STK4: variants seen among roughly 807,000 people sequenced by gnomAD.
STK4 encodes serine/threonine-protein kinase 4.
Under a neutral mutation model 64.9 loss-of-function variants are expected in STK4, and 30 were observed. The observed-to-expected ratio is 0.46, with a 90% CI of 0.35 to 0.63. The LOEUF is 0.63. Ranked by LOEUF, STK4 falls within the 20% of genes least tolerant of loss-of-function variation. The pLI, the probability that STK4 is intolerant of heterozygous loss-of-function variation, is 0.01. For missense variants in STK4, 466 were observed against 598.5 expected (o/e 0.78, Z 2.31); for synonymous variants, 177 against 199.0 (o/e 0.89, Z 0.93).
chr20:44,984,581 C>T (rs546224571), intron 4 of STK4, among the ~76,000 whole-genome samples: 10 of 151,946 alleles, frequency 6.6e-5, no homozygotes, highest in African/African-American at 2.2e-4. Flanking sequence ...ATCCACTAGC[C>T]GCATGTGGTT....
chr20:45,066,978 C>G (rs1181807121), intron 10 of STK4, among the ~76,000 whole-genome samples: 1 of 152,134 alleles, frequency 6.6e-6, no homozygotes, highest in Non-Finnish European at 1.5e-5. Flanking sequence ...TGAGAGATTA[C>G]TGCATTACCT....
chr20:45,056,578 G>A (rs533440369), intron 10 of STK4, among the ~76,000 whole-genome samples: 4 of 152,286 alleles, frequency 2.6e-5, no homozygotes, highest in Non-Finnish European at 4.4e-5. Context: ...GGATTGGAAA[G>A]TATCTTGGCA....
chr20:45,011,558 T>G (rs1417778156), intron 9 of STK4, among the ~76,000 whole-genome samples: 1 of 151,684 alleles, frequency 6.6e-6, no homozygotes, highest in Non-Finnish European at 1.5e-5. Flanking sequence ...TTGACACAAT[T>G]GGTGTTCTTT....
intron 7 of STK4, among the ~76,000 whole-genome samples, chr20:44,998,391 T>C (rs1427562241): frequency 6.6e-6 from 1 of 152,214 alleles, no homozygotes; most frequent in Non-Finnish European, 1.5e-5. Flanking sequence ...TTAAATGATA[T>C]AATGTGTGTT....
At chr20:44,991,402 T>A (rs542825064) in intron 5 of STK4, among the ~76,000 whole-genome samples, 1 of 152,224 alleles carries the variant, frequency 6.6e-6, no homozygotes, top group East Asian at 1.9e-4. Context: ...TCAGAAAATA[T>A]GTGAATGTAT....
At chr20:45,056,140 T>G (rs1195876635) in intron 10 of STK4, among the ~76,000 whole-genome samples, 3 of 152,216 alleles carry the variant, frequency 2.0e-5, no homozygotes, top group African/African-American at 7.2e-5. Context: ...TAAAGTCAGA[T>G]TTGTTGAGGT....
chr20:45,071,853 T>C (rs1402541209), intron 10 of STK4, among the ~76,000 whole-genome samples: 3 of 152,088 alleles, frequency 2.0e-5, no homozygotes, highest in East Asian at 3.9e-4. Context: ...ACTGCAGCCT[T>C]GGAGTGGGCT....
intron 4 of STK4, among the ~76,000 whole-genome samples, chr20:44,982,386 C>T (rs562469939): frequency 2.4e-4 from 36 of 151,952 alleles, no homozygotes; most frequent in African/African-American, 5.8e-4. Flanking sequence ...TTTCCCACCT[C>T]GGCCTCCCAA....
intron 1 of STK4, among the ~76,000 whole-genome samples, chr20:44,967,618 C>T (rs17322191): frequency 0.019 from 2,945 of 152,272 alleles, 37 homozygotes; most frequent in Non-Finnish European, 0.032. Context: ...TTCACAGAGA[C>T]GTCTGACTTC....
At chr20:45,019,533 A>G (rs6031936) in intron 9 of STK4, among the ~76,000 whole-genome samples, 2,943 of 152,312 alleles carry the variant, frequency 0.019, 95 homozygotes, top group African/African-American at 0.067. Flanking sequence ...TTATGAATTC[A>G]CTGCTTTGTC....
intron 9 of STK4, among the ~76,000 whole-genome samples, chr20:45,005,614 C>T (rs1308106286): frequency 3.5e-5 from 5 of 144,916 alleles, no homozygotes; most frequent in Non-Finnish European, 7.5e-5. Context: ...CGCCACTGCA[C>T]TCCAGCCTGG....
In STK4 at chr20:45,079,630, C is replaced by G. The variant is rs1980765891; in HGVS notation, c.*4454C>G. 6.6e-6 allele frequency: 1 copy of G among 151,892 alleles called. No homozygotes were observed. The highest frequency in any genetic ancestry group is 1.5e-5 in the Non-Finnish European group (1 of 67,862). The allele number at this position is 151,892 out of a possible 1,614,324, so 9.4% of individuals were successfully genotyped here. A position where few individuals can be genotyped will look rare whatever the true frequency, so the allele number is the denominator to read the frequency against. Reference sequence around the variant, plus strand: ...TTTTACCAGCTTGCACTCGGACCAACTTGGAAAAAAAAAAGCTTAAATGTT... The same window carrying G: ...TTTTACCAGCTTGCACTCGGACCAAGTTGGAAAAAAAAAAGCTTAAATGTT... On this transcript the variant is annotated 3_prime_UTR_variant, in exon 11 of 11. Transcript: ENST00000372806.
At chr20:45,051,897 C>T (rs574578753) in intron 10 of STK4, among the ~76,000 whole-genome samples, 2 of 152,256 alleles carry the variant, frequency 1.3e-5, no homozygotes, top group Non-Finnish European at 1.5e-5. Flanking sequence ...CCTGTCTAAC[C>T]CTTGATTGTC....
rs545558046 is a variant in STK4 at position 45,010,544 on chromosome 20, C to A, written c.1147+9191C>A. The stretch of plus-strand genomic sequence containing the variant: ...TGCTGTGTGGTAAATTGAACCATTC[C>A]CTGTTTAATAGCAGTTGAAACCCAG... On this transcript the variant is annotated intron_variant, in intron 9 of 10. Transcript: ENST00000372806. 1.2e-4 allele frequency among the ~76,000 whole-genome samples: 18 copies of A among 152,188 alleles called. 1 individual carries two copies. In the South Asian group the frequency reaches 3.7e-3, roughly 32 times the overall value.
At chr20:45,017,714 G>A (rs1015811680) in intron 9 of STK4, among the ~76,000 whole-genome samples, 1 of 152,152 alleles carries the variant, frequency 6.6e-6, no homozygotes, top group Non-Finnish European at 1.5e-5. Flanking sequence ...CCAAGATGTG[G>A]ACCATTCTCA....
intron 10 of STK4, among the ~76,000 whole-genome samples, chr20:45,048,511 A>AT (rs3216489): frequency 3.8e-4 from 55 of 146,544 alleles, no homozygotes; most frequent in East Asian, 8.0e-4. Context: ...TTGCTTTGTG[A>AT]TTTTTTTTTT....
chr20:45,026,566 C>T (rs2145387655), intron 10 of STK4, among the ~76,000 whole-genome samples: 1 of 152,102 alleles, frequency 6.6e-6, no homozygotes, highest in East Asian at 1.9e-4. Context: ...GAAATGATAT[C>T]AGAGATATAA....
intron 10 of STK4, 82 bp downstream of exon 10, chr20:45,025,212 T>G: frequency 6.7e-7 from 1 of 1,494,854 alleles, no homozygotes; most frequent in South Asian, 1.3e-5. Context: ...AGCATTTTCT[T>G]GTGCATTTTG....
At chr20:44,997,426 T>C (rs2067754826) in intron 7 of STK4, 120 bp downstream of exon 7, 3 of 1,284,464 alleles carry the variant, frequency 2.3e-6, no homozygotes, top group Non-Finnish European at 2.1e-6. Flanking sequence ...GTGCAGTGGC[T>C]CACGCCTGTA....
Sources: allele counts gnomAD v4.1 joint callset (sites outside exome capture counted in the v4.1 genomes callset), GRCh38; gene constraint gnomAD v4.1.1; transcripts MANE v1.5; gene names NCBI Gene and HGNC (gene_info 2026-07-23, HGNC 2026-07-21).